UCHL3: variants seen among roughly 807,000 people sequenced by gnomAD.
UCHL3 encodes the protein ubiquitin C-terminal hydrolase L3, also known as ubiquitin carboxyl-terminal hydrolase isozyme L3.
A neutral mutation model predicts 35.8 loss-of-function variants in UCHL3; 22 were observed. The observed-to-expected ratio is 0.61, with a 90% CI of 0.44 to 0.88. The LOEUF (loss-of-function observed/expected upper bound fraction) is 0.88, where lower values mean the gene tolerates loss of function less well. Among genes scored for constraint, UCHL3 ranks in the 40% least tolerant of loss-of-function variants. The pLI, the probability that UCHL3 is intolerant of heterozygous loss-of-function variation, is 0.00. For synonymous variants in UCHL3, 90 were observed against 92.8 expected (o/e 0.97, Z 0.17); for missense variants, 229 against 276.9 (o/e 0.83, Z 1.23).
At chr13:75,592,463 T>TAC (rs2032535428) in intron 6 of UCHL3, among the ~76,000 whole-genome samples, 1 of 109,628 alleles carries the variant, frequency 9.1e-6, no homozygotes, top group Non-Finnish European at 1.9e-5. Context: ...TATATATATA[T>TAC]ATATGAAGGA....
rs74094453 is a variant in UCHL3 at position 75,589,943 on chromosome 13, C to G, written c.475-4972C>G. On this transcript the variant is annotated intron_variant, in intron 6 of 8. Coordinates refer to ENST00000377595, the MANE Select transcript of UCHL3 (RefSeq NM_006002.5). ...TCTCTTTTTTAATTATGTAGTCCTC[C>G]TCGCCATCCTCATCACAGCCTCATT... 5,185 of 1,290,536 alleles carry G rather than the reference C, an allele frequency of 4.0e-3. 163 individuals carry two copies. The African/African-American group carries it at 0.07, about 17-fold the overall frequency. The allele number at this position is 1,290,536 out of a possible 1,614,324, so 79.9% of individuals were successfully genotyped here.
chr13:75,557,031 C>T (rs941539062), intron 2 of UCHL3, among the ~76,000 whole-genome samples: 1 of 152,022 alleles, frequency 6.6e-6, no homozygotes, highest in Non-Finnish European at 1.5e-5. Context: ...GCTTGGGCAA[C>T]ATAGTGAGAC....
At chr13:75,575,813 A>G (rs528760545) in intron 6 of UCHL3, among the ~76,000 whole-genome samples, 2 of 151,822 alleles carry the variant, frequency 1.3e-5, no homozygotes, top group Non-Finnish European at 2.9e-5. Context: ...GTGCAGTGGC[A>G]TGATCTCGGC....
intron 2 of UCHL3, among the ~76,000 whole-genome samples, chr13:75,552,036 T>C (rs1207968487): frequency 2.0e-5 from 1 of 51,226 alleles, no homozygotes; most frequent in African/African-American, 4.0e-5. Flanking sequence ...CATGGAATAG[T>C]GACAGGAGAC....
intron 6 of UCHL3, among the ~76,000 whole-genome samples, chr13:75,576,290 C>T (rs543261473): frequency 1.2e-4 from 19 of 152,224 alleles, no homozygotes; most frequent in South Asian, 6.2e-4. Context: ...AGTGTAGTGG[C>T]GCAATCTCTG....
chr13:75,599,610 C>T (rs532880259), intron 7 of UCHL3, among the ~76,000 whole-genome samples: 90 of 152,148 alleles, frequency 5.9e-4, no homozygotes, highest in African/African-American at 2.1e-3. Context: ...ATATTACTAC[C>T]GTAATTGTTT....
chr13:75,551,810 C>A (rs939253305), intron 2 of UCHL3, among the ~76,000 whole-genome samples: 1 of 152,178 alleles, frequency 6.6e-6, no homozygotes. Flanking sequence ...TCTTGAAAAA[C>A]TATCAAACAC....
chr13:75,566,651 T>A (rs768239029), intron 3 of UCHL3, 44 bp from the exon 4 acceptor site: 1 of 1,225,420 alleles, frequency 8.2e-7, no homozygotes, highest in Non-Finnish European at 1.1e-6. Flanking sequence ...TTTTTTAATA[T>A]GTTATTTTCC....
At chr13:75,591,580 G>A (rs2138561923) in intron 6 of UCHL3, among the ~76,000 whole-genome samples, 1 of 152,156 alleles carries the variant, frequency 6.6e-6, no homozygotes, top group East Asian at 1.9e-4. Flanking sequence ...TTTATATAAT[G>A]TTGATCTTGG....
chr13:75,554,299 A>G (rs1288962966), intron 2 of UCHL3, among the ~76,000 whole-genome samples: 2 of 152,192 alleles, frequency 1.3e-5, no homozygotes, highest in African/African-American at 4.8e-5. Context: ...GCCTGGCCTC[A>G]AACAACTAGT....
Position 75,569,466 on chromosome 13 carries a change from C to G in UCHL3, c.433C>G (p.Arg145Gly). ...ARYLENYDAIRVTHETSAHEG... is the reference protein window; with the variant it reads ...ARYLENYDAIGVTHETSAHEG... ...ACCTTTATTCTTATTACAGGCCATC[C>G]GAGTTACTCATGAGACCAGTGCCCA... The change falls in exon 6 of 9, where the codon CGA becomes GGA. Residue 145 changes from arginine (R) to glycine (G), a missense_variant. Physicochemically the swap from Arg to Gly is moderately radical, Grantham distance 125 (BLOSUM62 -2). Transcript: ENST00000377595. The G allele has an allele frequency of 6.2e-7, 1 of 1,607,932 alleles. No homozygotes were observed. Among genetic ancestry groups the G allele is most frequent in the Non-Finnish European group, 8.5e-7 (1 of 1,177,926 alleles).
In UCHL3 at chr13:75,566,735, C is replaced by T. The variant is rs867689690; in HGVS notation, c.224C>T (p.Ser75Phe). 6.2e-7 allele frequency: 1 copy of T among 1,600,044 alleles called. No homozygotes were observed. Among genetic ancestry groups the T allele is most frequent in the Non-Finnish European group, 8.5e-7 (1 of 1,173,698 alleles). Residue 75 changes from serine (S) to phenylalanine (F), a missense_variant, in exon 4 of 9, where the codon TCT becomes TTT. Physicochemically the swap from Ser to Phe is radical, Grantham distance 155. Transcript: ENST00000377595. ...FRTEEEEKIK[S>F]QGQDVTSSVY... ...ACAGAAGAGGAAGAAAAAATAAAAT[C>T]TCAGGGACAAGATGTTACATCATCA...
chr13:75,558,921 T>A (rs1346947806), intron 2 of UCHL3, among the ~76,000 whole-genome samples: 1 of 151,524 alleles, frequency 6.6e-6, no homozygotes, highest in Non-Finnish European at 1.5e-5. Context: ...TTGCAGGAAG[T>A]GGAGAAAGGA....
intron 6 of UCHL3, among the ~76,000 whole-genome samples, chr13:75,580,563 T>G (rs550404238): frequency 5.1e-4 from 77 of 152,312 alleles, no homozygotes; most frequent in African/African-American, 1.7e-3. Context: ...TCCCTCTCCC[T>G]CTCCTCAAAA....
At chr13:75,553,387 A>G (rs1278604836) in intron 2 of UCHL3, among the ~76,000 whole-genome samples, 2 of 152,218 alleles carry the variant, frequency 1.3e-5, no homozygotes, top group African/African-American at 4.8e-5. Flanking sequence ...CCACTTTGCC[A>G]GATCCAGTGA....
At chr13:75,550,686 T>C (rs933344956) in intron 2 of UCHL3, among the ~76,000 whole-genome samples, 3 of 151,498 alleles carry the variant, frequency 2.0e-5, no homozygotes, top group African/African-American at 4.9e-5. Flanking sequence ...AGGTATAAAC[T>C]TTTGATCTGC....
At chr13:75,571,531 A>G (rs1308453296) in intron 6 of UCHL3, among the ~76,000 whole-genome samples, 1 of 152,190 alleles carries the variant, frequency 6.6e-6, no homozygotes, top group African/African-American at 2.4e-5. Context: ...CACTGTAACT[A>G]TCTAGGACAA....
chr13:75,577,449 A>G (rs2032058582), intron 6 of UCHL3, among the ~76,000 whole-genome samples: 1 of 152,202 alleles, frequency 6.6e-6, no homozygotes, highest in African/African-American at 2.4e-5. Context: ...ATGCAAATAC[A>G]ACACTATTTT....
At chr13:75,577,701 A>T (rs988447053) in intron 6 of UCHL3, among the ~76,000 whole-genome samples, 14 of 152,240 alleles carry the variant, frequency 9.2e-5, no homozygotes, top group Admixed American at 3.3e-4. Context: ...GATTCTAATA[A>T]GTGTTTTTAA....
Sources: gnomAD v4.1 joint callset for allele counts (sites outside exome capture counted in the v4.1 genomes callset) on GRCh38, gnomAD v4.1.1 for gene constraint, MANE v1.5 for transcripts, NCBI Gene and HGNC (gene_info 2026-07-23, HGNC 2026-07-21) for gene names.